Variants in GRM7 observed in about 807,000 individuals in gnomAD.
GRM7 encodes the protein metabotropic glutamate receptor 7.
Under a neutral mutation model 84.5 loss-of-function variants are expected in GRM7, and 35 were observed. That is an observed-to-expected ratio of 0.41 (90% CI 0.32 to 0.55). The LOEUF (loss-of-function observed/expected upper bound fraction) is 0.55, where lower values mean the gene tolerates loss of function less well. Among genes scored for constraint, GRM7 ranks in the 20% least tolerant of loss-of-function variants. The probability of loss-of-function intolerance (pLI) is 0.19; values close to 1 mark genes in which losing one functional copy is unlikely to be tolerated. For missense variants in GRM7, 1,003 were observed against 1,194.6 expected (o/e 0.84, Z 2.36); for synonymous variants, 487 against 455.1 (o/e 1.07, Z -0.89).
intron 7 of GRM7, among the ~76,000 whole-genome samples, chr3:7,545,539 C>T (rs1181071376): frequency 2.6e-5 from 4 of 152,144 alleles, no homozygotes; most frequent in Non-Finnish European, 5.9e-5. Flanking sequence ...GCAGTAGTGG[C>T]TTATTCAGCT....
intron 1 of GRM7, among the ~76,000 whole-genome samples, chr3:6,881,929 G>GTA (rs1695528378): frequency 6.6e-6 from 1 of 150,510 alleles, no homozygotes; most frequent in Non-Finnish European, 1.5e-5. Flanking sequence ...AATTGTGTGT[G>GTA]TGTGTGTGTG....
chr3:7,703,627 T>C (rs1701299791), intron 9 of GRM7, among the ~76,000 whole-genome samples: 1 of 152,184 alleles, frequency 6.6e-6, no homozygotes. Context: ...CTTCTAGTGA[T>C]AGGGAAACTA....
chr3:6,983,766 T>G (rs1443733161), intron 1 of GRM7, among the ~76,000 whole-genome samples: 1 of 152,010 alleles, frequency 6.6e-6, no homozygotes, highest in Non-Finnish European at 1.5e-5. Context: ...CACATTATTT[T>G]TTTTCTACAA....
At position 7,099,711 on chromosome 3, in the gene GRM7, CATGTGCACATACATGTAT is replaced by C. The variant is rs1699030154; in HGVS notation, c.520-46736_520-46719del. Among the ~76,000 whole-genome samples, 6 of 82,896 alleles carry C rather than the reference CATGTGCACATACATGTAT, an allele frequency of 7.2e-5. 1 individual carries two copies. In the African/African-American group the frequency reaches 8.4e-4, roughly 12 times the overall value. 54.4% of individuals were successfully genotyped at this position (82,896 alleles called of 152,430 possible). On this transcript the variant is annotated intron_variant, in intron 1 of 9. Transcript: ENST00000357716. ...TATATGTATATGTACACGCATTATACATGTGCACATACATGTATATGTACACGCATTATACATGTGCAC... is the reference window on the plus strand; with the variant it reads ...TATATGTATATGTACACGCATTATACATGTACACGCATTATACATGTGCAC...
At chr3:7,176,778 C>T (rs1695165725) in intron 2 of GRM7, among the ~76,000 whole-genome samples, 1 of 152,128 alleles carries the variant, frequency 6.6e-6, no homozygotes, top group African/African-American at 2.4e-5. Context: ...CTCTTAGTTT[C>T]TATCTTGACT....
At chr3:7,102,949 G>T (rs1699165079) in intron 1 of GRM7, among the ~76,000 whole-genome samples, 1 of 150,886 alleles carries the variant, frequency 6.6e-6, no homozygotes, top group Non-Finnish European at 1.5e-5. Flanking sequence ...CCATCTCTTT[G>T]CTTATTTGAC....
At chr3:7,367,746 C>G (rs901411367) in intron 4 of GRM7, among the ~76,000 whole-genome samples, 3 of 151,612 alleles carry the variant, frequency 2.0e-5, no homozygotes, top group African/African-American at 7.3e-5. Context: ...AAAACTAGTA[C>G]TGACCATTGA....
At chr3:7,682,637 G>A (rs1341093794) in intron 9 of GRM7, among the ~76,000 whole-genome samples, 1 of 151,848 alleles carries the variant, frequency 6.6e-6, no homozygotes, top group Non-Finnish European at 1.5e-5. Context: ...ATTTACTGGG[G>A]AAAAAGACGA....
chr3:7,386,710 A>G (rs1279587372), intron 4 of GRM7, among the ~76,000 whole-genome samples: 1 of 152,172 alleles, frequency 6.6e-6, no homozygotes, highest in Non-Finnish European at 1.5e-5. Context: ...TGCTATTGTT[A>G]ATAATGCTGT....
rs1406417582 is a variant in GRM7, at chr3:7,178,475, G to C, written c.736+31807G>C. The stretch of plus-strand genomic sequence containing the variant: ...GATCCCTATCAATGCTGTGTGATTA[G>C]CAGAGCTCACTGCTTAGCTCCTTGC... On this transcript the variant is annotated intron_variant, in intron 2 of 9. Transcript: ENST00000357716. Among the ~76,000 whole-genome samples, 7 of 152,062 alleles carry C rather than the reference G, an allele frequency of 4.6e-5. No homozygotes were observed. In the South Asian group the frequency reaches 8.3e-4, roughly 18 times the overall value.
At chr3:6,868,000 C>T (rs561887054) in intron 1 of GRM7, among the ~76,000 whole-genome samples, 3 of 152,178 alleles carry the variant, frequency 2.0e-5, no homozygotes, top group Non-Finnish European at 4.4e-5. Flanking sequence ...ATATATGTCA[C>T]ATTTTATGCA....
intron 7 of GRM7, among the ~76,000 whole-genome samples, chr3:7,499,744 A>T (rs546748069): frequency 2.0e-5 from 3 of 151,984 alleles, no homozygotes; most frequent in Admixed American, 1.3e-4. Flanking sequence ...CAAAAACCTC[A>T]CAGTTTAATT....
intron 7 of GRM7, among the ~76,000 whole-genome samples, chr3:7,550,343 C>A (rs1693390199): frequency 6.9e-6 from 1 of 144,468 alleles, no homozygotes. Context: ...ACCTTCCCTC[C>A]TCCCTTCTCC....
At chr3:7,551,102 TAATA>T (rs1302912700) in intron 7 of GRM7, among the ~76,000 whole-genome samples, 1 of 152,192 alleles carries the variant, frequency 6.6e-6, no homozygotes, top group East Asian at 1.9e-4. Context: ...GTCTTATGAA[TAATA>T]AATTCAGCTT....
rs367587704 is a variant in GRM7 at position 7,413,712 on chromosome 3, G to C, written c.1034-1311G>C. On this transcript the variant is annotated intron_variant, in intron 4 of 9. Transcript: ENST00000357716. ...CCCTGTGGAATCAATAGCTGATACA[G>C]TAAGTTGGTGATGGAGCGTCTAGTA... Among the ~76,000 whole-genome samples, 131 of 152,280 alleles carry C rather than the reference G, an allele frequency of 8.6e-4. 5 individuals carry two copies. The South Asian group carries it at 0.026, about 30-fold the overall frequency.
At chr3:7,076,702 C>G (rs1698094118) in intron 1 of GRM7, among the ~76,000 whole-genome samples, 1 of 151,958 alleles carries the variant, frequency 6.6e-6, no homozygotes, top group Admixed American at 6.6e-5. Context: ...GATCACTGTT[C>G]AAAGGTGAGA....
intron 2 of GRM7, among the ~76,000 whole-genome samples, chr3:7,269,799 CTCTTA>C (rs1191843808): frequency 6.6e-6 from 1 of 152,172 alleles, no homozygotes; most frequent in Admixed American, 6.5e-5. Flanking sequence ...TTATTTTCTT[CTCTTA>C]TATTTGTCTC....
At chr3:7,432,431 C>G (rs1057159534) in intron 5 of GRM7, among the ~76,000 whole-genome samples, 6 of 152,148 alleles carry the variant, frequency 3.9e-5, no homozygotes, top group African/African-American at 1.4e-4. Context: ...AGTGATTCTC[C>G]TGCCTCAGCC....
intron 4 of GRM7, among the ~76,000 whole-genome samples, chr3:7,318,229 A>C (rs565242166): frequency 4.6e-5 from 7 of 152,040 alleles, no homozygotes; most frequent in Middle Eastern, 3.4e-3. Flanking sequence ...ACAAGAAAAC[A>C]GTTTTTATCT....
Sources: allele counts gnomAD v4.1 joint callset (sites outside exome capture counted in the v4.1 genomes callset), GRCh38; gene constraint gnomAD v4.1.1; transcripts MANE v1.5; gene names NCBI Gene and HGNC (gene_info 2026-07-23, HGNC 2026-07-21).